Variants in EPSTI1 observed in about 807,000 individuals in gnomAD.
The protein encoded by EPSTI1 is epithelial stromal interaction 1, also known as epithelial-stromal interaction protein 1.
EPSTI1 carries 66 observed loss-of-function variants against 49.9 expected under a neutral mutation model. The ratio of observed to expected loss-of-function variants is 1.32; its 90% CI spans 1.08 to 1.62. EPSTI1 has a LOEUF of 1.62. Among genes scored for constraint, EPSTI1 ranks in the 40% most tolerant of loss-of-function variants. The pLI is 0.00. For missense variants in EPSTI1, 394 were observed against 365.5 expected, an observed-to-expected ratio of 1.08 and a Z score of -0.64; for synonymous variants, 137 against 130.7, an observed-to-expected ratio of 1.05 and a Z score of -0.33.
In EPSTI1 at chr13:42,888,141, G is replaced by A. The variant is rs753379124; in HGVS notation, c.*353C>T. On this transcript the variant is annotated 3_prime_UTR_variant, in exon 11 of 11. Transcript: ENST00000313624. Reference sequence around the variant, plus strand: ...TGATCTGAGAATTAGATAAGAATATGTCACTTAGAAAGACAAGCCTGTAGC... The same window carrying A: ...TGATCTGAGAATTAGATAAGAATATATCACTTAGAAAGACAAGCCTGTAGC... The A allele has an allele frequency of 1.0e-4, 130 of 1,303,982 alleles. No individual in the cohort carries two copies. Among genetic ancestry groups the A allele is most frequent in the South Asian group, 6.2e-4 (40 of 65,040 alleles). The allele number at this position is 1,303,982 out of a possible 1,614,324, so 80.8% of individuals were successfully genotyped here.
chr13:42,906,536 G>A (rs2037504733), intron 8 of EPSTI1, among the ~76,000 whole-genome samples: 1 of 152,236 alleles, frequency 6.6e-6, no homozygotes, highest in Non-Finnish European at 1.5e-5. Context: ...AGGGATAGTG[G>A]AAGCAGGAGA....
chr13:42,926,502 A>G (rs2038184758), intron 6 of EPSTI1, 73 bp from the exon 7 acceptor site: 1 of 830,776 alleles, frequency 1.2e-6, no homozygotes, highest in Middle Eastern at 2.2e-4. Flanking sequence ...TCCTTTGGAT[A>G]CTAACCTAGA....
chr13:42,929,692 ACAGCTAGC>A (rs1393316716), intron 6 of EPSTI1, among the ~76,000 whole-genome samples: 3 of 152,200 alleles, frequency 2.0e-5, no homozygotes, highest in Non-Finnish European at 4.4e-5. Flanking sequence ...GGGTGGAGGG[ACAGCTAGC>A]TGTCTCTGTA....
At chr13:42,957,494 A>G (rs1460409387) in intron 5 of EPSTI1, among the ~76,000 whole-genome samples, 1 of 152,206 alleles carries the variant, frequency 6.6e-6, no homozygotes, top group East Asian at 1.9e-4. Flanking sequence ...AAACAAGTAC[A>G]AGGAAAGGAT....
chr13:42,895,002 A>C lies in EPSTI1; in HGVS notation c.915+7T>G. The C allele has an allele frequency of 1.2e-6, 2 of 1,600,710 alleles. No individual in the cohort carries two copies. Among genetic ancestry groups the C allele is most frequent in the East Asian group, 4.5e-5 (2 of 44,678 alleles). On this transcript the variant is annotated splice_region_variant and intron_variant, in intron 10 of 10. Transcript: ENST00000313624. ...AAAGATGATTTAAGAGAAAAGAAAA[A>C]ACTCACCCAGCTGTTACCGCTATTC...
intron 6 of EPSTI1, among the ~76,000 whole-genome samples, chr13:42,931,139 G>A (rs2038350220): frequency 6.8e-6 from 1 of 146,278 alleles, no homozygotes; most frequent in South Asian, 2.2e-4. Context: ...GGTATCTTAA[G>A]TGAGCCTGCA....
intron 5 of EPSTI1, among the ~76,000 whole-genome samples, chr13:42,962,035 T>A (rs1666170448): frequency 6.6e-6 from 1 of 152,202 alleles, no homozygotes; most frequent in Admixed American, 6.5e-5. Context: ...TTTTCTTATC[T>A]GACACAAGCT....
intron 9 of EPSTI1, 125 bp from the exon 10 acceptor site, chr13:42,895,233 T>G: frequency 1.5e-6 from 1 of 685,652 alleles, no homozygotes; most frequent in Non-Finnish European, 2.4e-6. Flanking sequence ...TTAGAAGAAA[T>G]CCACAGAAAC....
At chr13:42,947,302 C>CA (rs57442134) in intron 6 of EPSTI1, among the ~76,000 whole-genome samples, 63,016 of 124,328 alleles carry the variant, frequency 0.51, 14,960 homozygotes, top group African/African-American at 0.67. Context: ...CCAGACATTT[C>CA]AAAAAAAAAG....
chr13:42,923,883 A>G (rs1292561116), intron 7 of EPSTI1, among the ~76,000 whole-genome samples: 1 of 152,230 alleles, frequency 6.6e-6, no homozygotes, highest in Non-Finnish European at 1.5e-5. Context: ...AAAGGAGAAA[A>G]GTACAAGAGG....
At chr13:42,919,446 T>G in intron 7 of EPSTI1, 1 of 922,622 alleles carries the variant, frequency 1.1e-6, no homozygotes, top group Non-Finnish European at 1.7e-6. Flanking sequence ...AAATATTCAT[T>G]TAATACAATA....
At chr13:42,915,960 A>G (rs2037818183) in intron 8 of EPSTI1, among the ~76,000 whole-genome samples, 1 of 152,084 alleles carries the variant, frequency 6.6e-6, no homozygotes. Context: ...TTATGTTCCA[A>G]ATATATATGT....
chr13:42,932,236 T>G (rs1410142084), intron 6 of EPSTI1, among the ~76,000 whole-genome samples: 3 of 152,112 alleles, frequency 2.0e-5, no homozygotes, highest in Non-Finnish European at 4.4e-5. Flanking sequence ...CTCAGTCTAT[T>G]CACGATTAAA....
At chr13:42,915,959 A>G (rs2037818108) in intron 8 of EPSTI1, among the ~76,000 whole-genome samples, 5 of 152,144 alleles carry the variant, frequency 3.3e-5, no homozygotes. Context: ...TTTATGTTCC[A>G]AATATATATG....
intron 7 of EPSTI1, among the ~76,000 whole-genome samples, chr13:42,920,591 T>C (rs1204902613): frequency 1.3e-5 from 2 of 152,158 alleles, no homozygotes; most frequent in Non-Finnish European, 2.9e-5. Context: ...ATAGTCTCAG[T>C]AGAAGCCCTT....
intron 8 of EPSTI1, among the ~76,000 whole-genome samples, chr13:42,916,728 C>A (rs1290368842): frequency 6.6e-6 from 1 of 152,126 alleles, no homozygotes; most frequent in Non-Finnish European, 1.5e-5. Context: ...ACTAGTATGA[C>A]AAGAGGAAAA....
chr13:42,949,225 C>A (rs570737971), intron 6 of EPSTI1, among the ~76,000 whole-genome samples: 39 of 152,360 alleles, frequency 2.6e-4, no homozygotes, highest in African/African-American at 9.1e-4. Flanking sequence ...TGTAGAGACA[C>A]TCTTACCCCT....
At chr13:42,937,435 C>T (rs2038602776) in intron 6 of EPSTI1, among the ~76,000 whole-genome samples, 1 of 152,204 alleles carries the variant, frequency 6.6e-6, no homozygotes, top group African/African-American at 2.4e-5. Context: ...CGTTTGACAG[C>T]CTTTTACCCA....
At chr13:42,961,192 A>C (rs1951519142) in intron 5 of EPSTI1, among the ~76,000 whole-genome samples, 1 of 152,150 alleles carries the variant, frequency 6.6e-6, no homozygotes, top group Admixed American at 6.5e-5. Context: ...TACCTTTTTC[A>C]TTTAGTGCTA....
Sources: allele counts gnomAD v4.1 joint callset (sites outside exome capture counted in the v4.1 genomes callset), GRCh38; gene constraint gnomAD v4.1.1; transcripts MANE v1.5; gene names NCBI Gene and HGNC (gene_info 2026-07-23, HGNC 2026-07-21).